The following MYCBP2 variants were observed in gnomAD, a reference collection of about 807,000 sequenced individuals.
MYCBP2 encodes E3 ubiquitin-protein ligase MYCBP2.
In MYCBP2, 120 loss-of-function variants were observed where a neutral mutation model predicts 525.3. The observed-to-expected ratio is 0.23, with a 90% CI of 0.20 to 0.27. MYCBP2 has a LOEUF of 0.27. Ranked by LOEUF, MYCBP2 falls within the 10% of genes least tolerant of loss-of-function variation. The probability of loss-of-function intolerance (pLI) is 1.00; values close to 1 mark genes in which losing one functional copy is unlikely to be tolerated. For missense variants in MYCBP2, 4,149 were observed against 5,657.1 expected (o/e 0.73, Z 8.55); for synonymous variants, 1,894 against 1,955.8 (o/e 0.97, Z 0.83).
intron 20 of MYCBP2, 92 bp downstream of exon 20, chr13:77,224,359 T>C (rs1056690206): frequency 6.3e-6 from 5 of 788,326 alleles, no homozygotes; most frequent in Non-Finnish European, 1.0e-5. Context: ...TCTAGAAATA[T>C]ATACTTAAAA....
chr13:77,087,404 A>C, intron 62 of MYCBP2, 80 bp downstream of exon 62: 2 of 1,195,134 alleles, frequency 1.7e-6, no homozygotes, highest in African/African-American at 3.1e-5. Context: ...GAATGATTTC[A>C]TGCAAATTAT....
In MYCBP2 at chr13:77,164,477, T is replaced by C; in HGVS notation, c.6524A>G (p.Lys2175Arg). The C allele has an allele frequency of 1.2e-6, 2 of 1,612,668 alleles. No individual in the cohort carries two copies. Among genetic ancestry groups the C allele is most frequent in the Non-Finnish European group, 8.5e-7 (1 of 1,178,684 alleles). The change falls in exon 43 of 83, where the codon AAG becomes AGG. Residue 2175 changes from lysine (K) to arginine (R), a missense_variant. By Grantham distance (26) the Lys-to-Arg change is conservative. Around this residue, in one of 21 missense-constraint regions of MYCBP2, gnomAD observed 692 missense variants for 852.7 expected, o/e 0.81. Coordinates refer to ENST00000544440, the MANE Select transcript of MYCBP2 (RefSeq NM_015057.5). ...LGGVCAAALM[K>R]KDLALPIGNE... is the part of the protein sequence containing the mutation. The stretch of plus-strand genomic sequence containing the variant: ...ACCAATAGGAAGTGCTAGGTCCTTC[T>C]TCATCAGAGCTGCTGCACAAACCCC...
chr13:77,297,554 G>C (rs989425745), intron 1 of MYCBP2, among the ~76,000 whole-genome samples: 2 of 152,134 alleles, frequency 1.3e-5, no homozygotes, highest in Admixed American at 6.5e-5. Flanking sequence ...AACTAATTTA[G>C]TAACAGCAGT....
Position 77,210,488 on chromosome 13 carries a change from G to A in MYCBP2, c.3416+679C>T, listed in dbSNP as rs1192241988. On this transcript the variant is annotated intron_variant, in intron 23 of 82. Transcript: ENST00000544440. ...ATTACAGGCGTGAGCCACCGCACCCGGCCCAGCACCACAATAAATTTCAAA... is the reference window on the plus strand; with the variant it reads ...ATTACAGGCGTGAGCCACCGCACCCAGCCCAGCACCACAATAAATTTCAAA... 2.6e-5 allele frequency among the ~76,000 whole-genome samples: 4 copies of A among 152,060 alleles called. 1 individual carries two copies. In the South Asian group the frequency reaches 8.3e-4, roughly 32 times the overall value.
chr13:77,179,104 C>T (rs930477058), intron 34 of MYCBP2, among the ~76,000 whole-genome samples: 36 of 152,146 alleles, frequency 2.4e-4, no homozygotes, highest in Middle Eastern at 6.8e-3. Context: ...GTATGAATTT[C>T]ATACAATGAA....
At chr13:77,152,836 C>T (rs867637307) in intron 46 of MYCBP2, among the ~76,000 whole-genome samples, 64 of 152,154 alleles carry the variant, frequency 4.2e-4, no homozygotes, top group Middle Eastern at 3.4e-3. Flanking sequence ...GAGTCTGAGG[C>T]GGGCGAATCA....
chr13:77,139,576 C>T (rs973567203), intron 51 of MYCBP2, among the ~76,000 whole-genome samples: 1 of 152,094 alleles, frequency 6.6e-6, no homozygotes, highest in Admixed American at 6.6e-5. Flanking sequence ...AATAAAAACA[C>T]AAGGAAACCA....
chr13:77,314,151 C>T (rs9600858), intron 1 of MYCBP2, among the ~76,000 whole-genome samples: 13,727 of 152,256 alleles, frequency 0.09, 791 homozygotes, highest in African/African-American at 0.16. Flanking sequence ...ATCACTGTTT[C>T]TGGTATTAAC....
At chr13:77,220,135 C>T (rs554136262) in intron 20 of MYCBP2, among the ~76,000 whole-genome samples, 1 of 152,154 alleles carries the variant, frequency 6.6e-6, no homozygotes, top group Admixed American at 6.5e-5. Context: ...GCGGTTTTAT[C>T]ATGTCCTAGC....
chr13:77,186,071 A>G lies in MYCBP2; in HGVS notation c.4252-8T>C, dbSNP rs757105859. ...CAATGACTCAAAACATTCCTAATCC[A>G]GAATATGAAAAAACAGACAACAATT... On this transcript the variant is annotated splice_polypyrimidine_tract_variant and splice_region_variant and intron_variant, in intron 30 of 82. Coordinates refer to ENST00000544440, the MANE Select transcript of MYCBP2 (RefSeq NM_015057.5). The G allele has an allele frequency of 1.9e-6, 3 of 1,541,566 alleles. No homozygotes were observed. In the South Asian group the frequency reaches 3.8e-5, roughly 19 times the overall value.
Position 77,087,576 on chromosome 13 carries a change from ACAGAATAT to A in MYCBP2, c.10775_10782del (p.Asp3592ValfsTer20). 1 of 1,613,268 alleles carries A rather than the reference ACAGAATAT, an allele frequency of 6.2e-7. No individual in the cohort carries two copies. The stretch of plus-strand genomic sequence containing the variant: ...GGAGTCAGTGATGCCACAAAATGCC[ACAGAATAT>A]CATGGAGAGAAGTGGTTTGGATGAC... On this transcript the variant is annotated frameshift_variant, in exon 62 of 83. Coordinates refer to ENST00000544440, the MANE Select transcript of MYCBP2 (RefSeq NM_015057.5). LOFTEE classifies it high-confidence loss of function.
chr13:77,162,648 C>T (rs1291033776), intron 43 of MYCBP2, among the ~76,000 whole-genome samples: 1 of 152,126 alleles, frequency 6.6e-6, no homozygotes, highest in East Asian at 1.9e-4. Flanking sequence ...TTCAACCACA[C>T]ATAAACATAC....
intron 1 of MYCBP2, among the ~76,000 whole-genome samples, chr13:77,313,830 A>C (rs1013416299): frequency 6.6e-6 from 1 of 152,102 alleles, no homozygotes; most frequent in Non-Finnish European, 1.5e-5. Flanking sequence ...AAACAACTCA[A>C]TTAAAGATGG....
At chr13:77,270,985 C>G (rs988531361) in intron 5 of MYCBP2, among the ~76,000 whole-genome samples, 1 of 151,794 alleles carries the variant, frequency 6.6e-6, no homozygotes, top group Admixed American at 6.6e-5. Context: ...AATAGTTAAC[C>G]CATTTTAAGT....
chr13:77,184,226 A>C (rs189752332), intron 32 of MYCBP2, among the ~76,000 whole-genome samples: 1 of 152,206 alleles, frequency 6.6e-6, no homozygotes, highest in Non-Finnish European at 1.5e-5. Context: ...AATTTCCTTT[A>C]TAACTTCTTC....
At chr13:77,146,994 T>C (rs772411384) in intron 47 of MYCBP2, among the ~76,000 whole-genome samples, 2 of 152,128 alleles carry the variant, frequency 1.3e-5, no homozygotes, top group Admixed American at 1.3e-4. Flanking sequence ...AATGGGAGAA[T>C]GGACAGATTA....
chr13:77,294,104 CTATATATATA>C (rs1197370334), intron 2 of MYCBP2, among the ~76,000 whole-genome samples: 5 of 41,920 alleles, frequency 1.2e-4, no homozygotes, highest in East Asian at 5.8e-4. Flanking sequence ...GATATAATGG[CTATATATATA>C]TATATATATA....
chr13:77,185,852 T>TA lies in MYCBP2; in HGVS notation c.4444+18dup, dbSNP rs763277000. ...CTAATATTTTCTCCCTATAGTCATT[T>TA]AAAAAAAATGCATCATACCTGACAC... On this transcript the variant is annotated intron_variant, in intron 31 of 82. Coordinates refer to ENST00000544440, the MANE Select transcript of MYCBP2 (RefSeq NM_015057.5). 5.8e-5 allele frequency: 88 copies of TA among 1,519,684 alleles called. No individual in the cohort carries two copies. The highest frequency in any genetic ancestry group is 1.8e-4 in the Middle Eastern group (1 of 5,670). 94.1% of individuals were successfully genotyped at this position (1,519,684 alleles called of 1,614,324 possible).
chr13:77,213,587 A>C (rs1455734860), intron 21 of MYCBP2, among the ~76,000 whole-genome samples: 1 of 152,216 alleles, frequency 6.6e-6, no homozygotes, highest in African/African-American at 2.4e-5. Flanking sequence ...TATTGAAATA[A>C]ATATGTATTC....
Sources: gnomAD v4.1 joint callset for allele counts (sites outside exome capture counted in the v4.1 genomes callset) on GRCh38, gnomAD v4.1.1 for gene constraint, gnomAD v4.1.1 regional missense constraint, MANE v1.5 for transcripts, NCBI Gene and HGNC (gene_info 2026-07-23, HGNC 2026-07-21) for gene names.